TUT4: variants seen among roughly 807,000 people sequenced by gnomAD.
TUT4 encodes terminal uridylyl transferase 4.
Under a neutral mutation model 192.2 loss-of-function variants are expected in TUT4, and 36 were observed. The observed-to-expected ratio is 0.19, with a 90% CI of 0.14 to 0.25. The LOEUF (loss-of-function observed/expected upper bound fraction) is 0.25. Among genes scored for constraint, TUT4 ranks in the 10% least tolerant of loss-of-function variants. TUT4 has a pLI of 1.00. For missense variants in TUT4, 1,493 were observed against 1,957.2 expected (o/e 0.76, Z 4.47); for synonymous variants, 618 against 666.0 (o/e 0.93, Z 1.11).
At chr1:52,452,686 T>C (rs1659791225) in intron 20 of TUT4, among the ~76,000 whole-genome samples, 1 of 152,226 alleles carries the variant, frequency 6.6e-6, no homozygotes. Context: ...AAACTCCTCA[T>C]CCCTTCTCCC....
intron 9 of TUT4, among the ~76,000 whole-genome samples, chr1:52,482,674 A>G (rs999070684): frequency 1.3e-5 from 2 of 152,078 alleles, no homozygotes; most frequent in Non-Finnish European, 1.5e-5. Context: ...GGCTCAAAAG[A>G]TCTCCCCGCT....
chr1:52,481,057 C>T (rs902696745), intron 11 of TUT4, among the ~76,000 whole-genome samples: 2 of 152,138 alleles, frequency 1.3e-5, no homozygotes, highest in African/African-American at 4.8e-5. Flanking sequence ...ATCAAATAAG[C>T]AAAGCTACCC....
intron 15 of TUT4, among the ~76,000 whole-genome samples, chr1:52,466,874 C>T (rs1055823639): frequency 6.6e-6 from 1 of 151,854 alleles, no homozygotes; most frequent in African/African-American, 2.4e-5. Context: ...GCCATATTGG[C>T]CAGACTCGTC....
Position 52,425,407 on chromosome 1 carries a change from T to C in TUT4, c.4812A>G (p.Gln1604=), listed in dbSNP as rs772254287. Residue 1604 remains glutamine, a synonymous_variant, in exon 29 of 30, where the codon CAA becomes CAG. Transcript: ENST00000257177. ...GGGCATTTCCCTGATGCATGAAGTT[T>C]TGATGCAAACCATAAGGCCACGAAG... ...VPASWPYGLH[Q]NFMHQGNARF... is the part of the protein sequence containing the mutation. The C allele has an allele frequency of 4.3e-6, 7 of 1,614,072 alleles. No homozygotes were observed. The highest frequency in any genetic ancestry group is 3.3e-5 in the Admixed American group (2 of 60,008).
chr1:52,543,544 C>A (rs188054374), intron 1 of TUT4, among the ~76,000 whole-genome samples: 1 of 147,526 alleles, frequency 6.8e-6, no homozygotes, highest in Admixed American at 6.8e-5. Context: ...AGTGCAATGG[C>A]GCAATCTCAG....
intron 1 of TUT4, chr1:52,538,651 A>G (rs1685625062): frequency 6.6e-6 from 1 of 151,624 alleles, no homozygotes; most frequent in Non-Finnish European, 1.5e-5. Flanking sequence ...TGTCTAAAAA[A>G]AAAAAAAGAA....
chr1:52,431,485 TTAA>T, intron 27 of TUT4, 25 bp from the exon 28 acceptor site: 1 of 1,430,814 alleles, frequency 7.0e-7, no homozygotes, highest in Non-Finnish European at 9.2e-7. Context: ...AAAATTTTTT[TTAA>T]TTAATTTATA....
chr1:52,525,788 T>A lies in TUT4; in HGVS notation c.493A>T (p.Ser165Cys), dbSNP rs201074062. 69 of 1,614,216 alleles carry A rather than the reference T, an allele frequency of 4.3e-5. No individual in the cohort carries two copies. In the East Asian group the frequency reaches 1.2e-3, roughly 28 times the overall value. The change falls in exon 2 of 30, where the codon AGT becomes TGT. Residue 165 changes from serine (S) to cysteine (C), a missense_variant. By Grantham distance (112) the Ser-to-Cys change is moderately radical (BLOSUM62 -1). Around this residue, in one of 7 missense-constraint regions of TUT4, gnomAD observed 260 missense variants for 247.8 expected, o/e 1.05. Transcript: ENST00000257177. ...SSPAEAEKGPSLLLKDMRQKT... is the reference protein window; with the variant it reads ...SSPAEAEKGPCLLLKDMRQKT... ...TGTCTCATGTCTTTCAACAGTAAAC[T>A]GGGTCCCTTTTCTGCTTCTGCTGGT... is the stretch of plus-strand genomic sequence containing the variant.
At chr1:52,525,451 C>A (rs1295152521) in intron 2 of TUT4, 112 bp downstream of exon 2, 2 of 1,363,768 alleles carry the variant, frequency 1.5e-6, no homozygotes, top group Non-Finnish European at 1.9e-6. Flanking sequence ...CATACGGGAA[C>A]AAAAGTGCTA....
intron 19 of TUT4, 183 bp downstream of exon 19, chr1:52,460,951 G>A (rs1662384859): frequency 2.0e-5 from 8 of 393,966 alleles, no homozygotes; most frequent in Non-Finnish European, 3.1e-5. Context: ...AATACATACA[G>A]GAAAAAAAGA....
chr1:52,525,458 G>T, intron 2 of TUT4, 105 bp downstream of exon 2: 1 of 1,395,910 alleles, frequency 7.2e-7, no homozygotes. Context: ...GAACAAAAGT[G>T]CTAAACAATT....
intron 16 of TUT4, chr1:52,463,887 C>T (rs1663319550): frequency 1.1e-6 from 1 of 913,190 alleles, no homozygotes; most frequent in Non-Finnish European, 1.5e-6. Context: ...CTATCAGTTT[C>T]AGAAAGCAGT....
intron 4 of TUT4, among the ~76,000 whole-genome samples, chr1:52,503,277 C>A (rs1674659977): frequency 6.6e-6 from 1 of 152,012 alleles, no homozygotes; most frequent in African/African-American, 2.4e-5. Flanking sequence ...GCATATAATC[C>A]CAGCCCTCAT....
At chr1:52,528,095 C>T (rs1682309928) in intron 1 of TUT4, among the ~76,000 whole-genome samples, 1 of 151,498 alleles carries the variant, frequency 6.6e-6, no homozygotes. Flanking sequence ...GGGAGAATTG[C>T]TTGAACCCGG....
chr1:52,488,712 G>GT (rs1670418313), intron 9 of TUT4, among the ~76,000 whole-genome samples, 197 bp downstream of exon 9: 1 of 152,116 alleles, frequency 6.6e-6, no homozygotes, highest in Non-Finnish European at 1.5e-5. Context: ...ATATCCATAA[G>GT]TGTGTCTACA....
chr1:52,510,317 C>CAAAAAAAAAAAAA (rs200690805), intron 3 of TUT4, among the ~76,000 whole-genome samples: 1 of 78,622 alleles, frequency 1.3e-5, no homozygotes, highest in Non-Finnish European at 2.6e-5. Flanking sequence ...TTCGTATTAA[C>CAAAAAAAAAAAAA]AAAAAAAAAA....
intron 14 of TUT4, 139 bp downstream of exon 14, chr1:52,471,813 G>T: frequency 1.2e-6 from 1 of 850,286 alleles, no homozygotes; most frequent in Non-Finnish European, 1.7e-6. Context: ...TAGTCATTTA[G>T]TAAATATCTG....
chr1:52,472,604 A>C (rs1666060867), intron 13 of TUT4, among the ~76,000 whole-genome samples: 1 of 151,370 alleles, frequency 6.6e-6, no homozygotes, highest in African/African-American at 2.4e-5. Context: ...ATAAATTATT[A>C]AACTAATTTA....
At chr1:52,451,280 TAAG>T (rs1023860397) in intron 20 of TUT4, among the ~76,000 whole-genome samples, 1 of 147,876 alleles carries the variant, frequency 6.8e-6, no homozygotes, top group Non-Finnish European at 1.5e-5. Flanking sequence ...AAAAAAAAAA[TAAG>T]AATAAGAATA....
Sources: gnomAD v4.1 joint callset for allele counts (sites outside exome capture counted in the v4.1 genomes callset) on GRCh38, gnomAD v4.1.1 for gene constraint, gnomAD v4.1.1 regional missense constraint, MANE v1.5 for transcripts, NCBI Gene and HGNC (gene_info 2026-07-23, HGNC 2026-07-21) for gene names.